ELF2: variants seen among roughly 807,000 people sequenced by gnomAD.
ELF2 encodes ETS-related transcription factor Elf-2.
ELF2 carries 11 observed loss-of-function variants against 54.8 expected under a neutral mutation model. The observed-to-expected ratio is 0.20, with a 90% CI of 0.13 to 0.33. The LOEUF is 0.33. Ranked by LOEUF, ELF2 falls within the 10% of genes least tolerant of loss-of-function variation. The probability of loss-of-function intolerance (pLI) is 1.00; values close to 1 mark genes in which losing one functional copy is unlikely to be tolerated. For synonymous variants in ELF2, 203 were observed against 245.1 expected, an observed-to-expected ratio of 0.83 and a Z score of 1.61; for missense variants, 513 against 703.0, an observed-to-expected ratio of 0.73 and a Z score of 3.06.
At chr4:139,087,523 T>TG (rs1339093313) in intron 4 of ELF2, among the ~76,000 whole-genome samples, 1 of 152,218 alleles carries the variant, frequency 6.6e-6, no homozygotes, top group African/African-American at 2.4e-5. Context: ...TGGAGTACAG[T>TG]GGCGCGATCT....
At chr4:139,070,378 C>T in intron 6 of ELF2, among the ~76,000 whole-genome samples, 1 of 151,242 alleles carries the variant, frequency 6.6e-6, no homozygotes, top group East Asian at 1.9e-4. Flanking sequence ...ACAACCTCCA[C>T]CTCTCGGGTT....
chr4:139,137,854 A>G lies in ELF2; in HGVS notation c.-153T>C, dbSNP rs1738335656. The G allele has an allele frequency of 7.6e-7, 1 of 1,324,496 alleles. No homozygotes were observed. Among genetic ancestry groups the G allele is most frequent in the Non-Finnish European group, 9.6e-7 (1 of 1,037,498 alleles). The allele number at this position is 1,324,496 out of a possible 1,614,324, so 82.0% of individuals were successfully genotyped here. A position where few individuals can be genotyped will look rare whatever the true frequency, so the allele number is the denominator to read the frequency against. ...CCAGAAATCCAGTCTTCTAAAGATGATTAACCAGAAAGCCTAAAAAGAGGA... is the reference window on the plus strand; with the variant it reads ...CCAGAAATCCAGTCTTCTAAAGATGGTTAACCAGAAAGCCTAAAAAGAGGA... On this transcript the variant is annotated 5_prime_UTR_variant, in exon 3 of 10. Coordinates refer to ENST00000686138, the MANE Select transcript of ELF2 (RefSeq NM_001331036.3).
chr4:139,152,708 T>C (rs1164488196), intron 1 of ELF2, among the ~76,000 whole-genome samples: 1 of 152,052 alleles, frequency 6.6e-6, no homozygotes, highest in African/African-American at 2.4e-5. Flanking sequence ...TCCATTACCC[T>C]TAGTCATTTA....
chr4:139,096,281 A>T (rs1733282700), intron 4 of ELF2, among the ~76,000 whole-genome samples: 1 of 152,222 alleles, frequency 6.6e-6, no homozygotes, highest in African/African-American at 2.4e-5. Flanking sequence ...TATATATGAC[A>T]AGCATTATGT....
intron 1 of ELF2, among the ~76,000 whole-genome samples, chr4:139,174,636 C>CT (rs1348086255): frequency 1.3e-5 from 2 of 151,992 alleles, no homozygotes; most frequent in East Asian, 3.8e-4. Flanking sequence ...CATGTACAGA[C>CT]TTTTTTCTGG....
rs568933960 is a variant in ELF2 at position 139,108,199 on chromosome 4, A to T, written c.238+16965T>A. 2.0e-5 allele frequency among the ~76,000 whole-genome samples: 3 copies of T among 152,324 alleles called. No individual in the cohort carries two copies. The South Asian group carries it at 6.2e-4, about 32-fold the overall frequency. ...ATGAAGAATGTATTGAGCTTTCTTC[A>T]TGCCAGGCACCATGCTTAACACTGG... On this transcript the variant is annotated intron_variant, in intron 4 of 9. Transcript: ENST00000686138.
At chr4:139,085,493 T>C (rs1055966831) in intron 4 of ELF2, among the ~76,000 whole-genome samples, 2 of 152,190 alleles carry the variant, frequency 1.3e-5, no homozygotes, top group African/African-American at 4.8e-5. Context: ...GTAATATTAA[T>C]GCGATATCAT....
At chr4:139,092,691 C>G (rs1379594488) in intron 4 of ELF2, among the ~76,000 whole-genome samples, 1 of 151,848 alleles carries the variant, frequency 6.6e-6, no homozygotes, top group African/African-American at 2.4e-5. Context: ...GTCCCAGCTA[C>G]TCGGGAGGCT....
chr4:139,091,975 C>CATATATACACTAT (rs1560799856), intron 4 of ELF2, among the ~76,000 whole-genome samples: 8 of 147,862 alleles, frequency 5.4e-5, no homozygotes, highest in African/African-American at 1.7e-4. Flanking sequence ...ATATACACTA[C>CATATATACACTAT]ATATATACAT....
At chr4:139,115,533 G>A (rs143671463) in intron 4 of ELF2, among the ~76,000 whole-genome samples, 3,591 of 151,514 alleles carry the variant, frequency 0.024, 95 homozygotes, top group Admixed American at 0.067. Context: ...TGGCCTGGCC[G>A]CGCCCCCTGA....
At chr4:139,171,942 G>C (rs778603497) in intron 1 of ELF2, among the ~76,000 whole-genome samples, 2 of 152,138 alleles carry the variant, frequency 1.3e-5, no homozygotes, top group Non-Finnish European at 2.9e-5. Context: ...ATATCCATTA[G>C]AACAGCTATA....
intron 1 of ELF2, among the ~76,000 whole-genome samples, chr4:139,148,316 ATTTTTTTTTTT>A (rs772079635): frequency 5.1e-4 from 33 of 64,568 alleles, no homozygotes; most frequent in African/African-American, 1.3e-3. Flanking sequence ...TACCTGGCTA[ATTTTTTTTTTT>A]TTTTTTTTTT....
chr4:139,090,037 C>T (rs1732412600), intron 4 of ELF2, among the ~76,000 whole-genome samples: 1 of 152,204 alleles, frequency 6.6e-6, no homozygotes, highest in Non-Finnish European at 1.5e-5. Context: ...TCAAGAGACC[C>T]TCCACCTCAG....
At chr4:139,117,845 T>G (rs1271183593) in intron 4 of ELF2, 1 of 154,290 alleles carries the variant, frequency 6.5e-6, no homozygotes, top group Admixed American at 6.5e-5. Context: ...TCCCAGCCAC[T>G]TGGGAGGCTG....
intron 5 of ELF2, chr4:139,072,242 A>G (rs1031579365): frequency 1.3e-5 from 7 of 523,788 alleles, no homozygotes; most frequent in African/African-American, 8.0e-5. Flanking sequence ...ATCAACTTAA[A>G]GGAAAAATGT....
chr4:139,133,284 G>C (rs1361028929), intron 3 of ELF2, among the ~76,000 whole-genome samples: 1 of 151,996 alleles, frequency 6.6e-6, no homozygotes, highest in African/African-American at 2.4e-5. Context: ...TCCAACATGT[G>C]GTATCACTCT....
chr4:139,059,435 C>A lies in ELF2; in HGVS notation c.1330G>T (p.Ala444Ser). Residue 444 changes from alanine (A) to serine (S), a missense_variant, in exon 10 of 10, where the codon GCT becomes TCT. Ala to Ser is a moderately conservative substitution (Grantham distance 99). This residue lies in a region of ELF2 where 291 missense variants were observed against 366.1 expected (regional missense o/e 0.79). Coordinates refer to ENST00000686138, the MANE Select transcript of ELF2 (RefSeq NM_001331036.3). ...VIQTIPTVMP[A>S]STENGDKITM... ...ATTTTGTCTCCATTTTCAGTAGAAG[C>A]TGGCATCACAGTAGGGATTGTCTGA... 1 of 1,613,962 alleles carries A rather than the reference C, an allele frequency of 6.2e-7. No homozygotes were observed. Among genetic ancestry groups the A allele is most frequent in the Non-Finnish European group, 8.5e-7 (1 of 1,179,870 alleles).
intron 1 of ELF2, among the ~76,000 whole-genome samples, chr4:139,167,913 C>G (rs78015689): frequency 0.17 from 26,485 of 152,130 alleles, 2,718 homozygotes; most frequent in South Asian, 0.38. Flanking sequence ...CCTCTTAAGG[C>G]GTAGCTTTTT....
Position 139,091,226 on chromosome 4 carries a change from G to A in ELF2, c.239-17659C>T, listed in dbSNP as rs182797991. Among the ~76,000 whole-genome samples the A allele has an allele frequency of 6.1e-3, 936 of 152,244 alleles. 11 individuals carry two copies. Among genetic ancestry groups the A allele is most frequent in the African/African-American group, 0.021 (892 of 41,536 alleles). On this transcript the variant is annotated intron_variant, in intron 4 of 9. Transcript: ENST00000686138. Reference sequence around the variant, plus strand: ...ATTAAAGGCGTGAGCCACCTCACCCGACCTTCTTATAGTATATGTTAAAGA... The same window carrying A: ...ATTAAAGGCGTGAGCCACCTCACCCAACCTTCTTATAGTATATGTTAAAGA...
Sources: gnomAD v4.1 joint callset for allele counts (sites outside exome capture counted in the v4.1 genomes callset) on GRCh38, gnomAD v4.1.1 for gene constraint, gnomAD v4.1.1 regional missense constraint, MANE v1.5 for transcripts, NCBI Gene and HGNC (gene_info 2026-07-23, HGNC 2026-07-21) for gene names.